RP1: variants seen among roughly 807,000 people sequenced by gnomAD.
RP1 encodes the protein oxygen-regulated protein 1.
Under a neutral mutation model 14.8 loss-of-function variants are expected in RP1, and 16 were observed. The ratio of observed to expected loss-of-function variants is 1.08; its 90% CI spans 0.73 to 1.65. The LOEUF (loss-of-function observed/expected upper bound fraction) is 1.65. RP1 is among the 40% of genes most tolerant of loss of function. RP1 has a pLI of 0.00. For synonymous variants in RP1, 876 were observed against 883.6 expected, an observed-to-expected ratio of 0.99 and a Z score of 0.15; for missense variants, 2,631 against 2,535.0, an observed-to-expected ratio of 1.04 and a Z score of -0.81.
Position 54,696,695 on chromosome 8 carries a change from A to T in RP1, c.1718-2772A>T, listed in dbSNP as rs560500888. The T allele has an allele frequency of 1.3e-4, 95 of 718,438 alleles. No individual in the cohort carries two copies. In the African/African-American group the frequency reaches 1.6e-3, roughly 12 times the overall value. 44.5% of individuals were successfully genotyped at this position (718,438 alleles called of 1,614,324 possible). A position where few individuals can be genotyped will look rare whatever the true frequency, so the allele number is the denominator to read the frequency against. On this transcript the variant is annotated intron_variant, in intron 12 of 22. Coordinates refer to the RP1 transcript ENST00000636932. ...ACGCATCAAAAGGATTGATGGTGTG[A>T]TTTTACTGGTGCAGAGAACCACTTC...
chr8:54,562,107 A>T (rs1804297890), intron 1 of RP1, among the ~76,000 whole-genome samples: 1 of 152,240 alleles, frequency 6.6e-6, no homozygotes, highest in Non-Finnish European at 1.5e-5. Context: ...GTTAAAATTA[A>T]GTAATTTAAA....
rs770305770 is a variant in RP1 at position 54,809,347 on chromosome 8, T to C, written c.3615+25637T>C. ...CTTGGGTTGGTATCTGTGGGAGTTA[T>C]GTATATGCTTCCAAAAGAGGCCAAA... On this transcript the variant is annotated intron_variant, in intron 24 of 28. Coordinates refer to the RP1 transcript ENST00000637698. Among the ~76,000 whole-genome samples the C allele has an allele frequency of 1.6e-4, 24 of 152,320 alleles. No homozygotes were observed. The East Asian group carries it at 3.7e-3, about 23-fold the overall frequency.
intron 15 of RP1, among the ~76,000 whole-genome samples, chr8:54,710,125 G>A (rs1374863739): frequency 6.6e-6 from 1 of 152,162 alleles, no homozygotes; most frequent in Non-Finnish European, 1.5e-5. Context: ...AGACACAAGG[G>A]GGCTTAGACG....
intron 6 of RP1, among the ~76,000 whole-genome samples, chr8:54,657,758 G>T (rs1341738513): frequency 6.6e-6 from 1 of 151,956 alleles, no homozygotes; most frequent in Non-Finnish European, 1.5e-5. Context: ...AAAAGTGTTT[G>T]CCCAGTTTAC....
In RP1 at chr8:54,629,878, A is replaced by C. The variant is rs1563333545; in HGVS notation, c.5996A>C (p.Asp1999Ala). The change falls in exon 4 of 4, where the codon GAC becomes GCC. Residue 1999 changes from aspartate to alanine, a missense_variant. Transcript: ENST00000220676. ...CAGTTTTATTTCAGTAACACATTTG[A>C]CTTGATGGGTAAAAGAAGAAAACAA... ...FDQFYFSNTF[D>A]LMGKRRKQKR... is the part of the protein sequence containing the mutation. The C allele has an allele frequency of 6.2e-7, 1 of 1,613,828 alleles. No homozygotes were observed. The highest frequency in any genetic ancestry group is 8.5e-7 in the Non-Finnish European group (1 of 1,179,946).
At position 54,775,073 on chromosome 8, in the gene RP1, CA is replaced by C. The variant is rs759096161; in HGVS notation, c.3451+4918del. Among the ~76,000 whole-genome samples, 928 of 138,374 alleles carry C rather than the reference CA, an allele frequency of 6.7e-3. 2 individuals carry two copies. Among genetic ancestry groups the C allele is most frequent in the African/African-American group, 0.011 (429 of 37,806 alleles). The allele number at this position is 138,374 out of a possible 152,430, so 90.8% of individuals were successfully genotyped here. A position where few individuals can be genotyped will look rare whatever the true frequency, so the allele number is the denominator to read the frequency against. ...AACAGCATGCACCTAGTTGTGATGA[CA>C]AAAAAAAAAAATGTCTCCAGACATC... On this transcript the variant is annotated intron_variant, in intron 23 of 28. Coordinates refer to the RP1 transcript ENST00000637698.
chr8:54,717,446 G>T (rs1019137695), intron 15 of RP1, among the ~76,000 whole-genome samples: 3 of 152,128 alleles, frequency 2.0e-5, no homozygotes, highest in African/African-American at 7.2e-5. Context: ...ATGAGGTGAT[G>T]GGGCCTAAAA....
rs753619624 is a variant in RP1, at chr8:54,630,654, C to T, written c.*301C>T. 20 of 1,167,172 alleles carry T rather than the reference C, an allele frequency of 1.7e-5. 1 individual carries two copies. Among genetic ancestry groups the T allele is most frequent in the East Asian group, 1.7e-4 (3 of 17,814 alleles). The allele number at this position is 1,167,172 out of a possible 1,614,324, so 72.3% of individuals were successfully genotyped here. A position where few individuals can be genotyped will look rare whatever the true frequency, so the allele number is the denominator to read the frequency against. ...TTTTTGCTCAGGGCATCAAAATGTG[C>T]TAAGGACAAGAATTATATCCTTTTT... On this transcript the variant is annotated 3_prime_UTR_variant, in exon 4 of 4. Transcript: ENST00000220676.
chr8:54,719,644 A>G (rs1476605054), intron 15 of RP1, among the ~76,000 whole-genome samples: 1 of 152,210 alleles, frequency 6.6e-6, no homozygotes, highest in Non-Finnish European at 1.5e-5. Context: ...TTTCCTCTAC[A>G]GTCTTTGCAT....
intron 1 of RP1, among the ~76,000 whole-genome samples, chr8:54,574,313 C>A (rs1804596380): frequency 6.6e-6 from 1 of 151,950 alleles, no homozygotes; most frequent in African/African-American, 2.4e-5. Context: ...GGGGTGAGAC[C>A]CTGGTAGCAA....
exon 18 of RP1, chr8:54,734,600 G>A (rs1808872117): frequency 3.3e-6 from 5 of 1,535,668 alleles, no homozygotes; most frequent in Middle Eastern, 1.7e-4. Flanking sequence ...ATGAATGGAA[G>A]GTGTTAGTGC....
rs1209352275 is a variant in RP1, at chr8:54,692,293, T to TA, written c.1718-7174_1718-7173insA. On this transcript the variant is annotated intron_variant, in intron 12 of 22. Transcript: ENST00000636932. ...AATAAACATACATGTGCATGTGTCT[T>TA]TATAGCAGCATGATTTATAGTCCTT... Among the ~76,000 whole-genome samples, 3 of 149,294 alleles carry TA rather than the reference T, an allele frequency of 2.0e-5. No individual in the cohort carries two copies. In the East Asian group the frequency reaches 5.9e-4, roughly 29 times the overall value.
At chr8:54,663,950 A>T (rs572787069) in intron 7 of RP1, 1,598 of 1,175,392 alleles carry the variant, frequency 1.4e-3, no homozygotes, top group Non-Finnish European at 1.7e-3. Context: ...TTAATTTCAC[A>T]GTTTAGTAAT....
At chr8:54,768,188 T>C (rs997476982) in intron 22 of RP1, among the ~76,000 whole-genome samples, 9 of 152,212 alleles carry the variant, frequency 5.9e-5, no homozygotes, top group African/African-American at 2.2e-4. Flanking sequence ...GTTGTCTCTC[T>C]CTACGGTGCC....
chr8:54,737,600 G>A (rs746245286), intron 18 of RP1, among the ~76,000 whole-genome samples: 25 of 152,214 alleles, frequency 1.6e-4, no homozygotes, highest in Non-Finnish European at 3.2e-4. Flanking sequence ...AGGAAGTGGG[G>A]GGAAATTGGC....
intron 27 of RP1, among the ~76,000 whole-genome samples, chr8:54,859,094 C>T (rs1812276737): frequency 6.6e-6 from 1 of 152,144 alleles, no homozygotes; most frequent in South Asian, 2.1e-4. Flanking sequence ...AGTTGTTTCA[C>T]TGCAGAGTGG....
At chr8:54,668,843 G>A (rs1025028711) in intron 7 of RP1, among the ~76,000 whole-genome samples, 26 of 152,130 alleles carry the variant, frequency 1.7e-4, no homozygotes, top group African/African-American at 6.3e-4. Flanking sequence ...AGCTGAAACT[G>A]GATCCCTTCC....
At chr8:54,560,666 C>G (rs979845213) in intron 1 of RP1, 1 of 152,052 alleles carries the variant, frequency 6.6e-6, no homozygotes, top group East Asian at 1.9e-4. Flanking sequence ...TGCACCTTCT[C>G]TCACCTAAGT....
intron 15 of RP1, among the ~76,000 whole-genome samples, chr8:54,709,456 G>A (rs576849590): frequency 1.3e-5 from 2 of 152,096 alleles, no homozygotes; most frequent in Non-Finnish European, 2.9e-5. Context: ...GCTGAGGCAG[G>A]CAATCATGCA....
Sources: allele counts gnomAD v4.1 joint callset (sites outside exome capture counted in the v4.1 genomes callset), GRCh38; gene constraint gnomAD v4.1.1; transcripts MANE v1.5; gene names NCBI Gene and HGNC (gene_info 2026-07-23, HGNC 2026-07-21).